The following PRICKLE4 variants were observed in gnomAD, a reference collection of about 807,000 sequenced individuals.
The protein encoded by PRICKLE4 is prickle planar cell polarity protein 4, also known as prickle-like protein 4.
PRICKLE4 carries 40 observed loss-of-function variants against 43.5 expected under a neutral mutation model. The ratio of observed to expected loss-of-function variants is 0.92; its 90% confidence interval spans 0.71 to 1.20. PRICKLE4 has a LOEUF of 1.20. Ranked by LOEUF, PRICKLE4 falls within the 50% of genes most tolerant of loss-of-function variation. PRICKLE4 has a pLI of 0.00. For synonymous variants in PRICKLE4, 208 were observed against 197.4 expected (o/e 1.05, Z -0.45); for missense variants, 527 against 491.2 (o/e 1.07, Z -0.69).
In PRICKLE4 at chr6:41,784,184, CA is replaced by C; in HGVS notation, c.188del (p.Asn63ThrfsTer49). 6.2e-7 allele frequency: 1 copy of C among 1,614,128 alleles called. No homozygotes were observed. The highest frequency in any genetic ancestry group is 8.5e-7 in the Non-Finnish European group (1 of 1,179,976). On this transcript the variant is annotated frameshift_variant, in exon 4 of 8. Transcript: ENST00000458694. LOFTEE classifies it high-confidence loss of function. ...TTTGCCTGGACACCAACCAAGCCCC[CA>C]ACTGGACTGGACTTCAGACCCTCCT... ...SLCLDTNQAP[N>X]WTGLQTLLQQ...
At chr6:41,786,000 C>A in intron 6 of PRICKLE4, 128 bp from the exon 7 acceptor site, 2 of 1,048,862 alleles carry the variant, frequency 1.9e-6, no homozygotes, top group Non-Finnish European at 2.8e-6. Flanking sequence ...CCAAAAGTGG[C>A]TGAGTGAATT....
intron 2 of PRICKLE4, among the ~76,000 whole-genome samples, chr6:41,782,259 AT>A (rs541324045): frequency 6.6e-6 from 1 of 150,638 alleles, no homozygotes; most frequent in Non-Finnish European, 1.5e-5. Flanking sequence ...TGTAGTAGAG[AT>A]GGGGTTTCCC....
intron 7 of PRICKLE4, 45 bp from the exon 8 acceptor site, chr6:41,786,717 G>C: frequency 1.2e-6 from 2 of 1,611,616 alleles, no homozygotes; most frequent in South Asian, 2.2e-5. Context: ...TGTAGGTCCA[G>C]CTCCGCGGCT....
In PRICKLE4 at chr6:41,787,069, C is replaced by T. The variant is rs761493165; in HGVS notation, c.1095C>T (p.Thr365=). The change falls in exon 8 of 8, where the codon ACC becomes ACT. Residue 365 remains threonine, a synonymous_variant. Transcript: ENST00000458694. ...AGCGCCTTCCCCAGTCCTGGAAGACCCCCGGAAGCCTCCAAGCAGAGGACA... is the reference window on the plus strand; with the variant it reads ...AGCGCCTTCCCCAGTCCTGGAAGACTCCCGGAAGCCTCCAAGCAGAGGACA... ...LGERLPQSWK[T]PGSLQAEDSN... The T allele has an allele frequency of 8.7e-6, 14 of 1,613,108 alleles. No individual in the cohort carries two copies. The highest frequency in any genetic ancestry group is 1.2e-5 in the Non-Finnish European group (14 of 1,179,986).
In PRICKLE4 at chr6:41,785,538, C is replaced by T. The variant is rs766671041; in HGVS notation, c.580C>T (p.Gln194Ter). ...LLRPRCPACD[Q>*]LIFSWRCTEA... ...GCGCCCGCGCTGCCCGGCTTGTGACCAGGTACAGCCTGGAGGGGAGGAACT... is the reference window on the plus strand; with the variant it reads ...GCGCCCGCGCTGCCCGGCTTGTGACTAGGTACAGCCTGGAGGGGAGGAACT... Residue 194 changes from glutamine (Q) to a stop codon, truncating the protein, a stop_gained and splice_region_variant, in exon 6 of 8, where the codon CAG becomes TAG. Coordinates refer to ENST00000458694, the MANE Select transcript of PRICKLE4 (RefSeq NM_013397.6). LOFTEE classifies it high-confidence loss of function. 3.7e-6 allele frequency: 6 copies of T among 1,612,128 alleles called. No individual in the cohort carries two copies. In the Admixed American group the frequency reaches 6.7e-5, roughly 18 times the overall value.
intron 7 of PRICKLE4, 167 bp from the exon 8 acceptor site, chr6:41,786,595 C>G: frequency 8.2e-7 from 1 of 1,224,628 alleles, no homozygotes; most frequent in Non-Finnish European, 1.1e-6. Flanking sequence ...GAGGCGGACG[C>G]CCTCTGGTGG....
chr6:41,785,278 G>T (rs1336596680), intron 5 of PRICKLE4, 59 bp from the exon 6 acceptor site: 1 of 1,571,806 alleles, frequency 6.4e-7, no homozygotes, highest in Non-Finnish European at 8.7e-7. Flanking sequence ...GCAAGAGCAA[G>T]GAGGGAAGTT....
intron 3 of PRICKLE4, 100 bp downstream of exon 3, chr6:41,783,705 A>T: frequency 6.5e-7 from 1 of 1,533,044 alleles, no homozygotes; most frequent in Non-Finnish European, 9.0e-7. Context: ...CTTCGTGCCT[A>T]ATCTCTTGTT....
rs1443434629 is a variant in PRICKLE4, at chr6:41,786,988, T to C, written c.1014T>C (p.Pro338=). ...LETIRDPKDT[P]FSTCSSSSDS... ...CTATTCGTGATCCCAAGGACACCCC[T>C]TTCTCCACCTGCTCCTCCTCCTCTG... is the stretch of plus-strand genomic sequence containing the variant. Residue 338 remains proline, a synonymous_variant, in exon 8 of 8, where the codon CCT becomes CCC. Coordinates refer to ENST00000458694, the MANE Select transcript of PRICKLE4 (RefSeq NM_013397.6). The C allele has an allele frequency of 1.2e-6, 2 of 1,613,896 alleles. No individual in the cohort carries two copies. Among genetic ancestry groups the C allele is most frequent in the Non-Finnish European group, 1.7e-6 (2 of 1,179,978 alleles).
In PRICKLE4 at chr6:41,785,391, G is replaced by C. The variant is rs772372674; in HGVS notation, c.433G>C (p.Glu145Gln). The C allele has an allele frequency of 6.2e-7, 1 of 1,614,068 alleles. No homozygotes were observed. Among genetic ancestry groups the C allele is most frequent in the East Asian group, 2.2e-5 (1 of 44,862 alleles). ...CGGAGTGTTTGCAGCCCGGGCAGGG[G>C]AACAGCGCTGCTGGCACCAGCCTTG... ...EYGVFAARAG[E>Q]QRCWHQPCFA... The change falls in exon 6 of 8, where the codon GAA becomes CAA. Residue 145 changes from glutamate to glutamine, a missense_variant. Physicochemically the swap from Glu to Gln is conservative, Grantham distance 29 (BLOSUM62 2). Transcript: ENST00000458694.
chr6:41,784,068 G>A, intron 3 of PRICKLE4, 63 bp from the exon 4 acceptor site: 1 of 1,251,496 alleles, frequency 8.0e-7, no homozygotes, highest in Middle Eastern at 2.0e-4. Flanking sequence ...TGATGAGGGG[G>A]AAAGAAGGAG....
chr6:41,786,361 G>C (rs377312476), intron 7 of PRICKLE4, 29 bp downstream of exon 7: 1 of 1,542,836 alleles, frequency 6.5e-7, no homozygotes, highest in African/African-American at 1.4e-5. Context: ...AGCAAAGCGG[G>C]AGGGAGCTTG....
Position 41,785,087 on chromosome 6 carries a change from T to TC in PRICKLE4, c.378+21dup, listed in dbSNP as rs749920903. On this transcript the variant is annotated intron_variant, in intron 5 of 7. Transcript: ENST00000458694. The stretch of plus-strand genomic sequence containing the variant: ...CCTGTGAGAAGGTATGTAGCACCCC[T>TC]CCCCCCAAATTCCCCTTCCTCTATT... 3 of 1,612,464 alleles carry TC rather than the reference T, an allele frequency of 1.9e-6. No individual in the cohort carries two copies. Among genetic ancestry groups the TC allele is most frequent in the Non-Finnish European group, 2.5e-6 (3 of 1,179,408 alleles).
chr6:41,786,294 C>A lies in PRICKLE4; in HGVS notation c.749C>A (p.Ser250Ter). Residue 250 changes from serine to a stop codon, truncating the protein, a stop_gained, in exon 7 of 8, where the codon TCG becomes TAG. Coordinates refer to ENST00000458694, the MANE Select transcript of PRICKLE4 (RefSeq NM_013397.6). LOFTEE classifies it high-confidence loss of function. ...GAGAACCGCTACTCGGATGCAGGCT[C>A]GAGCTGGGCCGGGGCACTGGAAGGG... ...CFENRYSDAG[S>*]SWAGALEGQA... The A allele has an allele frequency of 6.3e-7, 1 of 1,582,304 alleles. No individual in the cohort carries two copies.
chr6:41,786,559 G>A, intron 7 of PRICKLE4: 2 of 1,063,166 alleles, frequency 1.9e-6, no homozygotes, highest in Non-Finnish European at 2.7e-6. Context: ...TCGGGGTTGC[G>A]GCGCCAGACT....
chr6:41,782,940 G>T (rs12529163), intron 2 of PRICKLE4, among the ~76,000 whole-genome samples: 2 of 151,932 alleles, frequency 1.3e-5, no homozygotes, highest in Admixed American at 6.6e-5. Context: ...GGGAGAGCTG[G>T]TGTGGTCACA....
At chr6:41,783,351 T>C (rs1772582804) in intron 2 of PRICKLE4, 111 bp from the exon 3 acceptor site, 3 of 1,136,064 alleles carry the variant, frequency 2.6e-6, no homozygotes, top group Non-Finnish European at 3.6e-6. Flanking sequence ...GCTACCTAAG[T>C]CGTTTGGGTG....
Position 41,787,183 on chromosome 6 carries a change from G to A in PRICKLE4, c.*54G>A. 15 of 1,529,780 alleles carry A rather than the reference G, an allele frequency of 9.8e-6. No individual in the cohort carries two copies. Among genetic ancestry groups the A allele is most frequent in the South Asian group, 2.5e-5 (2 of 79,550 alleles). 94.8% of individuals were successfully genotyped at this position (1,529,780 alleles called of 1,614,324 possible). ...GGGAGGAAAGGGGTCTGTAAAGCGG[G>A]AGAACAAGGCTAGCCTCCCCCTAAC... On this transcript the variant is annotated 3_prime_UTR_variant, in exon 8 of 8. Transcript: ENST00000458694.
intron 6 of PRICKLE4, 71 bp from the exon 7 acceptor site, chr6:41,786,057 G>A: frequency 6.7e-7 from 1 of 1,490,712 alleles, no homozygotes; most frequent in Non-Finnish European, 9.3e-7. Flanking sequence ...TGGGTAAAAG[G>A]CGTGGTTACT....
Sources: allele counts gnomAD v4.1 joint callset (sites outside exome capture counted in the v4.1 genomes callset), GRCh38; gene constraint gnomAD v4.1.1; transcripts MANE v1.5; gene names NCBI Gene and HGNC (gene_info 2026-07-23, HGNC 2026-07-21).